CSMD3: variants seen among roughly 807,000 people sequenced by gnomAD.
CSMD3 encodes the protein CUB and Sushi multiple domains 3.
A neutral mutation model predicts 435.2 loss-of-function variants in CSMD3; 177 were observed. The observed-to-expected ratio is 0.41, with a 90% CI of 0.36 to 0.46. CSMD3 has a LOEUF of 0.46. CSMD3 is among the 20% of genes least tolerant of loss of function. The pLI is 0.34. For missense variants in CSMD3, 4,265 were observed against 4,504.6 expected, an observed-to-expected ratio of 0.95 and a Z score of 1.52; for synonymous variants, 1,656 against 1,520.5, an observed-to-expected ratio of 1.09 and a Z score of -2.07.
At chr8:113,410,939 A>AAGAAAGAG (rs1439700981) in intron 1 of CSMD3, among the ~76,000 whole-genome samples, 1 of 148,412 alleles carries the variant, frequency 6.7e-6, no homozygotes, top group Non-Finnish European at 1.5e-5. Flanking sequence ...GAAAGAAAGA[A>AAGAAAGAG]AGAAAGAAAG....
chr8:113,407,914 G>A (rs2129729451), intron 1 of CSMD3, among the ~76,000 whole-genome samples: 1 of 152,140 alleles, frequency 6.6e-6, no homozygotes, highest in South Asian at 2.1e-4. Context: ...TCTATTTTAA[G>A]TAGCTTTTTG....
At chr8:112,397,182 A>G (rs1224736766) in intron 35 of CSMD3, among the ~76,000 whole-genome samples, 1 of 152,218 alleles carries the variant, frequency 6.6e-6, no homozygotes, top group African/African-American at 2.4e-5. Context: ...ATAGAAATGC[A>G]AACTATATTT....
chr8:112,286,890 C>T (rs878945737), intron 58 of CSMD3, among the ~76,000 whole-genome samples, 174 bp downstream of exon 58: 3 of 151,932 alleles, frequency 2.0e-5, no homozygotes, highest in South Asian at 2.1e-4. Flanking sequence ...AAAAAATTAT[C>T]GGTTATAGTT....
chr8:113,203,013 A>G (rs1235886058), intron 3 of CSMD3, among the ~76,000 whole-genome samples: 1 of 152,074 alleles, frequency 6.6e-6, no homozygotes, highest in Non-Finnish European at 1.5e-5. Flanking sequence ...AGAAACCCAT[A>G]TTTTTTCAAC....
rs573766642 is a variant in CSMD3 at position 112,246,246 on chromosome 8, C to A, written c.10222+774G>T. ...CCACAATCATTTGGATGGTTCTGAA[C>A]AGGGATAGAGTAAATTCACAGGGCT... is the stretch of plus-strand genomic sequence containing the variant. On this transcript the variant is annotated intron_variant, in intron 64 of 70. Coordinates refer to ENST00000297405, the MANE Select transcript of CSMD3 (RefSeq NM_198123.2). Among the ~76,000 whole-genome samples the A allele has an allele frequency of 2.9e-3, 435 of 152,254 alleles. 4 individuals are homozygous for A. The highest frequency in any genetic ancestry group is 9.9e-3 in the African/African-American group (410 of 41,552).
intron 4 of CSMD3, among the ~76,000 whole-genome samples, chr8:113,130,313 T>C (rs1302687168): frequency 6.6e-6 from 1 of 152,114 alleles, no homozygotes; most frequent in African/African-American, 2.4e-5. Flanking sequence ...TCATGTCGAA[T>C]TGAGGGAGGC....
At chr8:112,974,543 C>CT (rs1439678628) in intron 7 of CSMD3, among the ~76,000 whole-genome samples, 1 of 151,632 alleles carries the variant, frequency 6.6e-6, no homozygotes, top group East Asian at 1.9e-4. Context: ...AAACTGTTTA[C>CT]TTTATTGAGT....
intron 32 of CSMD3, among the ~76,000 whole-genome samples, chr8:112,433,879 T>G (rs1345280306): frequency 6.6e-6 from 1 of 152,032 alleles, no homozygotes; most frequent in East Asian, 1.9e-4. Flanking sequence ...ATCAATTACT[T>G]CTTTTATTTA....
chr8:112,943,935 CTGAGTTTATCATACTTT>C (rs1389691039), intron 9 of CSMD3, among the ~76,000 whole-genome samples: 1 of 151,642 alleles, frequency 6.6e-6, no homozygotes, highest in Non-Finnish European at 1.5e-5. Context: ...CCCAAATGCA[CTGAGTTTATCATACTTT>C]TGCACAATCC....
At chr8:112,400,639 G>A (rs1350237167) in intron 35 of CSMD3, among the ~76,000 whole-genome samples, 1 of 152,018 alleles carries the variant, frequency 6.6e-6, no homozygotes, top group Non-Finnish European at 1.5e-5. Flanking sequence ...CAGTAAACTA[G>A]CATTCACTCC....
At chr8:112,869,392 GT>G (rs898321854) in intron 10 of CSMD3, among the ~76,000 whole-genome samples, 3 of 152,022 alleles carry the variant, frequency 2.0e-5, no homozygotes, top group African/African-American at 7.2e-5. Context: ...TAAAATTAAT[GT>G]TTTTATTATT....
intron 3 of CSMD3, among the ~76,000 whole-genome samples, chr8:113,239,498 T>TTATCTATCTATC (rs113240412): frequency 0.093 from 13,828 of 149,012 alleles, 787 homozygotes; most frequent in African/African-American, 0.15. Flanking sequence ...GTATGTAGTT[T>TTATCTATCTATC]TATCTATCTA....
chr8:112,257,037 C>T (rs1450317518), intron 61 of CSMD3, among the ~76,000 whole-genome samples: 2 of 152,156 alleles, frequency 1.3e-5, no homozygotes, highest in Admixed American at 6.5e-5. Context: ...TTCAAGACTA[C>T]ACGATAAACT....
intron 27 of CSMD3, among the ~76,000 whole-genome samples, chr8:112,528,928 G>C (rs976974154): frequency 6.6e-6 from 1 of 151,986 alleles, no homozygotes; most frequent in Non-Finnish European, 1.5e-5. Context: ...ATCTCTGATG[G>C]GACCAGCGCA....
At chr8:112,573,706 A>C in intron 23 of CSMD3, 49 bp from the exon 24 acceptor site, 1 of 1,354,182 alleles carries the variant, frequency 7.4e-7, no homozygotes, top group Non-Finnish European at 1.1e-6. Context: ...ATAATAATCA[A>C]TTCAGAGCAT....
chr8:113,153,621 T>A (rs2091876229), intron 4 of CSMD3, among the ~76,000 whole-genome samples: 1 of 152,050 alleles, frequency 6.6e-6, no homozygotes, highest in Non-Finnish European at 1.5e-5. Flanking sequence ...AGGGTTTCTA[T>A]TTAGAGTTGT....
intron 16 of CSMD3, among the ~76,000 whole-genome samples, chr8:112,669,873 C>T (rs529206463): frequency 1.6e-4 from 24 of 152,200 alleles, no homozygotes; most frequent in African/African-American, 5.8e-4. Context: ...GATAAGAAAA[C>T]TGATGTGTAA....
At chr8:113,091,005 G>A (rs915574424) in intron 5 of CSMD3, among the ~76,000 whole-genome samples, 1 of 151,936 alleles carries the variant, frequency 6.6e-6, no homozygotes, top group African/African-American at 2.4e-5. Context: ...TTCAATTTCT[G>A]GTCACTGCAC....
intron 3 of CSMD3, among the ~76,000 whole-genome samples, chr8:113,187,872 C>T (rs2092531127): frequency 6.6e-6 from 1 of 151,976 alleles, no homozygotes; most frequent in African/African-American, 2.4e-5. Context: ...CCCCTTTATA[C>T]TTCTCCAAAA....
Sources: gnomAD v4.1 joint callset for allele counts (sites outside exome capture counted in the v4.1 genomes callset) on GRCh38, gnomAD v4.1.1 for gene constraint, MANE v1.5 for transcripts, NCBI Gene and HGNC (gene_info 2026-07-23, HGNC 2026-07-21) for gene names.